RARB: variants seen among roughly 807,000 people sequenced by gnomAD.
The protein encoded by RARB is HBV-activated protein.
A neutral mutation model predicts 51.9 loss-of-function variants in RARB; 17 were observed. The observed-to-expected ratio is 0.33, with a 90% CI of 0.22 to 0.49. RARB has a LOEUF of 0.49. Among genes scored for constraint, RARB ranks in the 20% least tolerant of loss-of-function variants. The pLI, the probability that RARB is intolerant of heterozygous loss-of-function variation, is 0.99. For missense variants in RARB, 369 were observed against 550.8 expected (o/e 0.67, Z 3.30); for synonymous variants, 215 against 195.4 (o/e 1.10, Z -0.84).
chr3:25,101,655 T>C (rs1708678726), intron 3 of RARB, among the ~76,000 whole-genome samples: 1 of 152,050 alleles, frequency 6.6e-6, no homozygotes, highest in Non-Finnish European at 1.5e-5. Context: ...TTATGTTTTT[T>C]TTTTTTATTA....
At chr3:25,137,542 A>C (rs1469511648) in intron 4 of RARB, among the ~76,000 whole-genome samples, 1 of 152,120 alleles carries the variant, frequency 6.6e-6, no homozygotes, top group African/African-American at 2.4e-5. Context: ...TTTTGATTTT[A>C]GTAGAAAATT....
At chr3:25,250,628 G>C (rs148712012) in intron 5 of RARB, among the ~76,000 whole-genome samples, 1 of 152,288 alleles carries the variant, frequency 6.6e-6, no homozygotes, top group African/African-American at 2.4e-5. Flanking sequence ...CTGTGGGCAA[G>C]GGATGTCAAT....
intron 1 of RARB, among the ~76,000 whole-genome samples, chr3:24,832,523 T>C (rs1457249861): frequency 6.6e-6 from 1 of 151,326 alleles, no homozygotes; most frequent in Non-Finnish European, 1.5e-5. Flanking sequence ...TTATGCAACA[T>C]GCATTTTTTA....
intron 4 of RARB, among the ~76,000 whole-genome samples, chr3:25,142,859 C>T (rs571695397): frequency 4.7e-4 from 72 of 152,190 alleles, no homozygotes; most frequent in South Asian, 4.4e-3. Flanking sequence ...GAGGAATTGC[C>T]GTCTTCAGTA....
chr3:25,100,812 T>A (rs1575160405), intron 3 of RARB, among the ~76,000 whole-genome samples: 2 of 152,098 alleles, frequency 1.3e-5, no homozygotes, highest in African/African-American at 2.4e-5. Context: ...ATACCAAGAT[T>A]TAAGCCATCT....
chr3:25,246,079 C>T (rs759929325), intron 5 of RARB, among the ~76,000 whole-genome samples: 135 of 152,042 alleles, frequency 8.9e-4, no homozygotes, highest in Non-Finnish European at 1.6e-3. Context: ...GATCTTCAAT[C>T]TCTGATATCC....
chr3:25,300,155 C>T (rs1238374471), intron 5 of RARB, among the ~76,000 whole-genome samples: 3 of 152,118 alleles, frequency 2.0e-5, no homozygotes, highest in African/African-American at 4.8e-5. Context: ...TTTCTGTTAT[C>T]GCTGCTGCCA....
At chr3:25,176,354 C>T (rs200337611) in intron 5 of RARB, among the ~76,000 whole-genome samples, 14,167 of 52,658 alleles carry the variant, frequency 0.27, 1,384 homozygotes, top group African/African-American at 0.38. Context: ...TCCTTCCTTC[C>T]TTCCTTCCTT....
chr3:25,481,725 T>C (rs567160206), intron 2 of RARB, among the ~76,000 whole-genome samples: 9 of 152,352 alleles, frequency 5.9e-5, no homozygotes, highest in African/African-American at 2.2e-4. Context: ...CCTTCTTTCC[T>C]GGTCTCACCT....
At chr3:25,373,729 A>G (rs1706374534) in intron 5 of RARB, among the ~76,000 whole-genome samples, 1 of 152,126 alleles carries the variant, frequency 6.6e-6, no homozygotes, top group African/African-American at 2.4e-5. Context: ...CGGGGAATGG[A>G]CCACAGAACC....
At chr3:25,513,293 G>C (rs1383476740) in intron 3 of RARB, among the ~76,000 whole-genome samples, 4 of 151,506 alleles carry the variant, frequency 2.6e-5, no homozygotes, top group Non-Finnish European at 5.9e-5. Context: ...TCTCAAAGAA[G>C]AAAGAAAGAG....
At chr3:24,899,382 G>T (rs1703548199) in intron 2 of RARB, among the ~76,000 whole-genome samples, 2 of 152,294 alleles carry the variant, frequency 1.3e-5, no homozygotes, top group South Asian at 4.1e-4. Flanking sequence ...TAGGTACTCA[G>T]TTATCTCCCA....
At chr3:25,471,119 G>C (rs1275478137) in intron 2 of RARB, among the ~76,000 whole-genome samples, 1 of 152,080 alleles carries the variant, frequency 6.6e-6, no homozygotes, top group Non-Finnish European at 1.5e-5. Flanking sequence ...CATAGGGCTT[G>C]GGATGATACA....
chr3:24,962,880 T>C (rs765330382), intron 2 of RARB, among the ~76,000 whole-genome samples: 11 of 152,188 alleles, frequency 7.2e-5, no homozygotes, highest in Non-Finnish European at 1.5e-4. Flanking sequence ...TTAGCTACTT[T>C]TTAAGGTAGA....
chr3:25,393,144 G>A (rs1167715201), intron 5 of RARB, among the ~76,000 whole-genome samples: 2 of 152,028 alleles, frequency 1.3e-5, no homozygotes, highest in Non-Finnish European at 2.9e-5. Context: ...CTATTGAGAT[G>A]ACCATGTCAT....
chr3:24,974,844 CAT>C (rs1299605466), intron 2 of RARB, among the ~76,000 whole-genome samples: 1 of 152,120 alleles, frequency 6.6e-6, no homozygotes, highest in Admixed American at 6.6e-5. Flanking sequence ...GGTCTTTAGA[CAT>C]AGCCGGAAGC....
chr3:25,289,203 T>C (rs1175941966), intron 5 of RARB, among the ~76,000 whole-genome samples: 1 of 152,178 alleles, frequency 6.6e-6, no homozygotes, highest in Admixed American at 6.5e-5. Context: ...CCTTAGAGTG[T>C]CTCACCCTGT....
At chr3:25,226,306 A>T (rs1702055071) in intron 5 of RARB, among the ~76,000 whole-genome samples, 1 of 152,184 alleles carries the variant, frequency 6.6e-6, no homozygotes, top group Admixed American at 6.5e-5. Context: ...TAAACAATGG[A>T]GCTAGATTAC....
intron 5 of RARB, among the ~76,000 whole-genome samples, chr3:25,194,204 A>G (rs1039019398): frequency 2.7e-5 from 4 of 150,482 alleles, no homozygotes; most frequent in African/African-American, 9.8e-5. Context: ...ACACCATTCA[A>G]TACATAGAAA....
Sources: allele counts gnomAD v4.1 joint callset (sites outside exome capture counted in the v4.1 genomes callset), GRCh38; gene constraint gnomAD v4.1.1; transcripts MANE v1.5; gene names NCBI Gene and HGNC (gene_info 2026-07-23, HGNC 2026-07-21).